ADARB2: variants seen among roughly 807,000 people sequenced by gnomAD.
The protein encoded by ADARB2 is inactive double-stranded RNA-specific editase B2.
A neutral mutation model predicts 62.2 loss-of-function variants in ADARB2; 25 were observed. That is an observed-to-expected ratio of 0.40 (90% CI 0.29 to 0.56). The LOEUF is 0.56. Ranked by LOEUF, ADARB2 falls within the 20% of genes least tolerant of loss-of-function variation. The probability of loss-of-function intolerance (pLI) is 0.43; values close to 1 mark genes in which losing one functional copy is unlikely to be tolerated. For missense variants in ADARB2, 1,071 were observed against 1,077.4 expected (o/e 0.99, Z 0.08); for synonymous variants, 572 against 500.8 (o/e 1.14, Z -1.90).
At position 1,252,953 on chromosome 10, in the gene ADARB2, G is replaced by T. The variant is rs530938575; in HGVS notation, c.1193-10654C>A. ...ATTTTGGAAGGAAAACAAGTTATGT[G>T]TAAATGTTTTGTGCTCTCCTCTATG... On this transcript the variant is annotated intron_variant, in intron 4 of 9. Coordinates refer to ENST00000381312, the MANE Select transcript of ADARB2 (RefSeq NM_018702.4). Among the ~76,000 whole-genome samples, 31 of 152,274 alleles carry T rather than the reference G, an allele frequency of 2.0e-4. No homozygotes were observed. In the East Asian group the frequency reaches 5.8e-3, roughly 28 times the overall value.
At chr10:1,684,525 G>T (rs11250727) in intron 1 of ADARB2, among the ~76,000 whole-genome samples, 13,431 of 152,190 alleles carry the variant, frequency 0.088, 760 homozygotes, top group East Asian at 0.22. Context: ...CTTTTCTTAA[G>T]ATATTTCTGT....
chr10:1,219,947 AATGGTGATGGTGGTGGTGATGGATG>A (rs768670011), intron 6 of ADARB2, among the ~76,000 whole-genome samples: 2,422 of 98,754 alleles, frequency 0.025, 27 homozygotes, highest in Middle Eastern at 0.087. Context: ...TGGTGGTGAT[AATGGTGATGGTGGTGGTGATGGATG>A]ATGGTGATGG....
chr10:1,261,860 T>C (rs1263287722), intron 4 of ADARB2, among the ~76,000 whole-genome samples: 2 of 149,772 alleles, frequency 1.3e-5, no homozygotes, highest in East Asian at 1.9e-4. Flanking sequence ...TATTGTGGCA[T>C]TATTCACAAT....
chr10:1,531,769 G>A (rs913586188), intron 1 of ADARB2, among the ~76,000 whole-genome samples: 1 of 152,084 alleles, frequency 6.6e-6, no homozygotes, highest in Non-Finnish European at 1.5e-5. Context: ...CCCCGGAGGC[G>A]GAGGTTGCAG....
Position 1,318,667 on chromosome 10 carries a change from C to T in ADARB2, c.1077+44361G>A, listed in dbSNP as rs777796977. On this transcript the variant is annotated intron_variant, in intron 3 of 9. Transcript: ENST00000381312. ...ACTCAGCATTGATACAAAGGCTGCT[C>T]GAGACTGTGTTTGGGAATGCCTTCT... Among the ~76,000 whole-genome samples, 44 of 152,094 alleles carry T rather than the reference C, an allele frequency of 2.9e-4. 1 individual carries two copies. Among genetic ancestry groups the T allele is most frequent in the Non-Finnish European group, 1.9e-4 (13 of 68,032 alleles).
intron 1 of ADARB2, among the ~76,000 whole-genome samples, chr10:1,651,934 C>T (rs1834116717): frequency 6.6e-6 from 1 of 152,006 alleles, no homozygotes; most frequent in African/African-American, 2.4e-5. Context: ...CACAAAGATC[C>T]ATCGAAAAGC....
chr10:1,503,031 G>A (rs931180040), intron 1 of ADARB2, among the ~76,000 whole-genome samples: 6 of 152,164 alleles, frequency 3.9e-5, no homozygotes, highest in Admixed American at 2.0e-4. Flanking sequence ...GAATAGCAAT[G>A]AGATTAACCC....
chr10:1,590,044 A>G (rs1489127619), intron 1 of ADARB2, among the ~76,000 whole-genome samples: 1 of 152,102 alleles, frequency 6.6e-6, no homozygotes, highest in Non-Finnish European at 1.5e-5. Flanking sequence ...GGCCTGAGAG[A>G]GTGTCCAGGC....
chr10:1,292,414 C>T (rs544440507), intron 3 of ADARB2: 4 of 152,218 alleles, frequency 2.6e-5, no homozygotes, highest in Non-Finnish European at 5.9e-5. Flanking sequence ...CTCACTTAGA[C>T]AAAAGGCTTG....
Position 1,296,592 on chromosome 10 carries a change from T to C in ADARB2, c.1078-25523A>G, listed in dbSNP as rs574572777. Among the ~76,000 whole-genome samples, 254 of 151,898 alleles carry C rather than the reference T, an allele frequency of 1.7e-3. 2 individuals are homozygous for C. The highest frequency in any genetic ancestry group is 5.5e-3 in the African/African-American group (227 of 41,406). On this transcript the variant is annotated intron_variant, in intron 3 of 9. Coordinates refer to ENST00000381312, the MANE Select transcript of ADARB2 (RefSeq NM_018702.4). ...AAGGCCAAGTGCTCCATCACAAACG[T>C]TGGGGGAGGGCAGGGGGAAGGGGTC...
intron 1 of ADARB2, among the ~76,000 whole-genome samples, chr10:1,536,368 A>C (rs1298582843): frequency 6.6e-6 from 1 of 152,232 alleles, no homozygotes; most frequent in Non-Finnish European, 1.5e-5. Context: ...AGAACTGAGA[A>C]ATAAACATTT....
At chr10:1,510,110 C>CTCTCTCTCTCTTTCTTTCTT (rs1554767637) in intron 1 of ADARB2, among the ~76,000 whole-genome samples, 4 of 106,184 alleles carry the variant, frequency 3.8e-5, no homozygotes, top group East Asian at 2.8e-4. Context: ...CTTTCTTTCT[C>CTCTCTCTCTCTTTCTTTCTT]TCTTTCTTTC....
chr10:1,686,167 G>C (rs994441205), intron 1 of ADARB2, among the ~76,000 whole-genome samples: 2 of 152,244 alleles, frequency 1.3e-5, no homozygotes, highest in Non-Finnish European at 2.9e-5. Flanking sequence ...ACCCATGGAG[G>C]CTGGTTAGGG....
intron 1 of ADARB2, among the ~76,000 whole-genome samples, chr10:1,510,010 TTTC>T (rs1405466951): frequency 1.3e-5 from 2 of 151,014 alleles, no homozygotes; most frequent in Admixed American, 6.6e-5. Flanking sequence ...CTTTCTTTTC[TTTC>T]TTCTTTCTTT....
Position 1,183,324 on chromosome 10 carries a change from A to G in ADARB2, c.2089T>C (p.Cys697Arg), listed in dbSNP as rs755609405. Reference protein sequence around the residue: ...PSPGDTPSMYCEAKLGAHTYQ... With the variant: ...PSPGDTPSMYREAKLGAHTYQ... ...GTGTGCGCCCCCAGCTTGGCCTCAC[A>G]GTACATGGAGGGCGTGTCTCCAGGG... Residue 697 changes from cysteine to arginine, a missense_variant, in exon 10 of 10, where the codon TGT becomes CGT. Transcript: ENST00000381312. The G allele has an allele frequency of 1.9e-6, 3 of 1,614,190 alleles. No individual in the cohort carries two copies. Among genetic ancestry groups the G allele is most frequent in the Non-Finnish European group, 2.5e-6 (3 of 1,180,028 alleles).
At chr10:1,329,444 C>G (rs971947314) in intron 3 of ADARB2, among the ~76,000 whole-genome samples, 2 of 152,232 alleles carry the variant, frequency 1.3e-5, no homozygotes, top group Non-Finnish European at 2.9e-5. Flanking sequence ...AACCCACTGT[C>G]CATGTGCGAA....
chr10:1,397,018 A>G (rs1459795238), intron 1 of ADARB2, among the ~76,000 whole-genome samples: 2 of 12,862 alleles, frequency 1.6e-4, no homozygotes, highest in Admixed American at 1.3e-3. Flanking sequence ...CTGGGTCACC[A>G]TCAGCCTCTC....
At chr10:1,721,938 T>G (rs1332606796) in intron 1 of ADARB2, among the ~76,000 whole-genome samples, 1 of 152,216 alleles carries the variant, frequency 6.6e-6, no homozygotes, top group Non-Finnish European at 1.5e-5. Flanking sequence ...TGATACTTAC[T>G]GGCTCATTGC....
intron 3 of ADARB2, among the ~76,000 whole-genome samples, chr10:1,352,815 A>G (rs1050022794): frequency 9.2e-5 from 14 of 152,054 alleles, no homozygotes; most frequent in Non-Finnish European, 1.8e-4. Context: ...ATTATTCCAG[A>G]TACCACACCT....
Sources: allele counts gnomAD v4.1 joint callset (sites outside exome capture counted in the v4.1 genomes callset), GRCh38; gene constraint gnomAD v4.1.1; transcripts MANE v1.5; gene names NCBI Gene and HGNC (gene_info 2026-07-23, HGNC 2026-07-21).